HTT: variants seen among roughly 807,000 people sequenced by gnomAD.
The protein encoded by HTT is huntington disease protein.
In HTT, 104 loss-of-function variants were observed where a neutral mutation model predicts 362.3. The ratio of observed to expected loss-of-function variants is 0.29; its 90% CI spans 0.24 to 0.34. The LOEUF (loss-of-function observed/expected upper bound fraction) is 0.34. Among genes scored for constraint, HTT ranks in the 10% least tolerant of loss-of-function variants. HTT has a pLI of 1.00. For missense variants in HTT, 3,301 were observed against 3,928.6 expected, an observed-to-expected ratio of 0.84 and a Z score of 4.27; for synonymous variants, 1,577 against 1,548.7, an observed-to-expected ratio of 1.02 and a Z score of -0.43.
chr4:3,182,064 G>T (rs1030591096), intron 36 of HTT, among the ~76,000 whole-genome samples: 1 of 152,212 alleles, frequency 6.6e-6, no homozygotes, highest in African/African-American at 2.4e-5. Context: ...CCTTTTCTCT[G>T]ATTGTGAAAT....
At chr4:3,167,712 G>A (rs1377132356) in intron 29 of HTT, among the ~76,000 whole-genome samples, 1 of 152,056 alleles carries the variant, frequency 6.6e-6, no homozygotes, top group Non-Finnish European at 1.5e-5. Context: ...GAAGATTGAT[G>A]TTAGTTGATC....
chr4:3,187,412 C>T (rs140468491), intron 38 of HTT, among the ~76,000 whole-genome samples: 9,493 of 152,240 alleles, frequency 0.062, 461 homozygotes, highest in Non-Finnish European at 0.097. Flanking sequence ...GCCTCGGCCT[C>T]CCAAAGTGTT....
At chr4:3,224,764 T>G (rs1289394125) in intron 56 of HTT, among the ~76,000 whole-genome samples, 3 of 152,262 alleles carry the variant, frequency 2.0e-5, no homozygotes, top group Non-Finnish European at 4.4e-5. Context: ...AGGCTTTAAT[T>G]GCAGAAAGTT....
intron 45 of HTT, among the ~76,000 whole-genome samples, chr4:3,208,481 T>G (rs1719975977): frequency 6.6e-6 from 1 of 152,272 alleles, no homozygotes; most frequent in African/African-American, 2.4e-5. Flanking sequence ...GTGTATTGCC[T>G]GTTGCAGTGT....
Position 3,229,936 on chromosome 4 carries a change from T to C in HTT, c.8159T>C (p.Met2720Thr). The C allele has an allele frequency of 6.2e-7, 1 of 1,614,154 alleles. No individual in the cohort carries two copies. The part of the protein sequence containing the change: ...LFTERNQFEL[M>T]YVTLTELRRV... ...ACCGAGCGCAACCAGTTTGAGCTGATGTATGTGACGCTGACAGAACTGCGA... is the reference window on the plus strand; with the variant it reads ...ACCGAGCGCAACCAGTTTGAGCTGACGTATGTGACGCTGACAGAACTGCGA... Residue 2720 changes from methionine (M) to threonine (T), a missense_variant, in exon 60 of 67, where the codon ATG (methionine) becomes ACG (threonine). Physicochemically the swap from Met to Thr is moderately conservative, Grantham distance 81. Around this residue, in one of 4 missense-constraint regions of HTT, gnomAD observed 753 missense variants for 1,021.3 expected, o/e 0.74. Coordinates refer to ENST00000355072, the MANE Select transcript of HTT (RefSeq NM_001388492.1).
chr4:3,235,220 G>T (rs1721465795), intron 61 of HTT, 64 bp from the exon 62 acceptor site: 1 of 1,149,964 alleles, frequency 8.7e-7, no homozygotes, highest in East Asian at 2.3e-5. Flanking sequence ...GGCCGGACAT[G>T]CTGTGAAGCC....
intron 2 of HTT, among the ~76,000 whole-genome samples, chr4:3,087,647 G>C (rs1713278355): frequency 6.6e-6 from 1 of 152,146 alleles, no homozygotes; most frequent in Non-Finnish European, 1.5e-5. Context: ...TGGCTCAGTA[G>C]GAGACATATT....
intron 6 of HTT, among the ~76,000 whole-genome samples, chr4:3,109,883 C>CG (rs1327517803): frequency 1.3e-5 from 2 of 151,838 alleles, no homozygotes; most frequent in East Asian, 1.9e-4. Context: ...GTGCTGGGGA[C>CG]GGGGGGGCCA....
chr4:3,094,729 A>G (rs2110150592), intron 2 of HTT, among the ~76,000 whole-genome samples: 1 of 131,764 alleles, frequency 7.6e-6, no homozygotes, highest in Non-Finnish European at 1.6e-5. Context: ...CACCTCCCGG[A>G]CGGAGCGGCT....
At chr4:3,162,484 G>A (rs972016556) in intron 29 of HTT, among the ~76,000 whole-genome samples, 2 of 152,108 alleles carry the variant, frequency 1.3e-5, no homozygotes, top group African/African-American at 4.8e-5. Flanking sequence ...CTTGATGGGG[G>A]GATAGCATTG....
chr4:3,216,255 C>G (rs781521381), intron 51 of HTT, among the ~76,000 whole-genome samples: 2 of 152,226 alleles, frequency 1.3e-5, no homozygotes, highest in African/African-American at 2.4e-5. Context: ...CAGCCAAGGA[C>G]TTCTCTGAAT....
intron 1 of HTT, among the ~76,000 whole-genome samples, chr4:3,075,982 G>A (rs986603751): frequency 2.6e-5 from 4 of 152,114 alleles, no homozygotes; most frequent in Admixed American, 6.5e-5. Flanking sequence ...CTGATGGGGA[G>A]GTTAATTGCC....
rs71608259 is a variant in HTT at position 3,233,309 on chromosome 4, G to C, written c.8412G>C (p.Pro2804=). The C allele has an allele frequency of 6.2e-7, 1 of 1,608,752 alleles. No homozygotes were observed. Among genetic ancestry groups the C allele is most frequent in the Admixed American group, 1.7e-5 (1 of 59,964 alleles). ...LLDDTAKQLI[P]VISDYLLSNL... Reference sequence around the variant, plus strand: ...ACGACACTGCCAAGCAGCTCATCCCGGTCATCAGCGACTATCTCCTCTCCA... The same window carrying C: ...ACGACACTGCCAAGCAGCTCATCCCCGTCATCAGCGACTATCTCCTCTCCA... The change falls in exon 61 of 67, where the codon CCG becomes CCC. Residue 2804 remains proline, a synonymous_variant. Transcript: ENST00000355072.
chr4:3,194,047 T>G (rs1415702850), intron 40 of HTT, among the ~76,000 whole-genome samples: 3 of 152,218 alleles, frequency 2.0e-5, no homozygotes, highest in African/African-American at 4.8e-5. Flanking sequence ...AAGATAAGAG[T>G]TGAAATAATT....
chr4:3,152,162 G>A (rs982159822), intron 26 of HTT, among the ~76,000 whole-genome samples: 3 of 151,362 alleles, frequency 2.0e-5, no homozygotes, highest in Non-Finnish European at 2.9e-5. Context: ...GGGTTGGCGC[G>A]ATCTCAGCTC....
intron 37 of HTT, among the ~76,000 whole-genome samples, chr4:3,186,201 GAAAA>G (rs113401608): frequency 0.021 from 3,055 of 147,636 alleles, 70 homozygotes; most frequent in African/African-American, 0.059. Flanking sequence ...TGCAGAAAAA[GAAAA>G]AAAAAAGTGC....
chr4:3,222,955 A>G (rs1720748178), intron 54 of HTT, among the ~76,000 whole-genome samples: 1 of 152,168 alleles, frequency 6.6e-6, no homozygotes, highest in Admixed American at 6.5e-5. Flanking sequence ...GAGCCAGCAG[A>G]ATGGGAAGTT....
At position 3,142,770 on chromosome 4, in the gene HTT, T is replaced by C; in HGVS notation, c.2950T>C (p.Tyr984His). The change falls in exon 23 of 67, where the codon TAT becomes CAT. Residue 984 changes from tyrosine (Y) to histidine (H), a missense_variant. Transcript: ENST00000355072. ...TCTCTATATTTTTGTTATTAGAATA[T>C]ATAGAGGCTATAACCTACTACCAAG... is the stretch of plus-strand genomic sequence containing the variant. The part of the protein sequence containing the change: ...HFSVSTITRI[Y>H]RGYNLLPSIT... 2 of 1,477,412 alleles carry C rather than the reference T, an allele frequency of 1.4e-6. No individual in the cohort carries two copies. Among genetic ancestry groups the C allele is most frequent in the Non-Finnish European group, 1.9e-6 (2 of 1,056,076 alleles). The allele number at this position is 1,477,412 out of a possible 1,614,324, so 91.5% of individuals were successfully genotyped here. A position where few individuals can be genotyped will look rare whatever the true frequency, so the allele number is the denominator to read the frequency against.
chr4:3,172,591 C>G (rs760004384), intron 30 of HTT, among the ~76,000 whole-genome samples, 194 bp downstream of exon 30: 1 of 152,194 alleles, frequency 6.6e-6, no homozygotes, highest in African/African-American at 2.4e-5. Context: ...AGGACGAGGT[C>G]TGTCACTGTG....
Sources: allele counts gnomAD v4.1 joint callset (sites outside exome capture counted in the v4.1 genomes callset), GRCh38; gene constraint gnomAD v4.1.1; regional missense constraint gnomAD v4.1.1; transcripts MANE v1.5; gene names NCBI Gene and HGNC (gene_info 2026-07-23, HGNC 2026-07-21).